The following CNTNAP2 variants were observed in gnomAD, a reference collection of about 807,000 sequenced individuals.
CNTNAP2 encodes the protein contactin-associated protein-like 2.
A neutral mutation model predicts 155.2 loss-of-function variants in CNTNAP2; 98 were observed. That is an observed-to-expected ratio of 0.63 (90% CI 0.54 to 0.75). The LOEUF (loss-of-function observed/expected upper bound fraction) is 0.75. Ranked by LOEUF, CNTNAP2 falls within the 30% of genes least tolerant of loss-of-function variation. The pLI is 0.00. For missense variants in CNTNAP2, 1,727 were observed against 1,688.1 expected (o/e 1.02, Z -0.40); for synonymous variants, 651 against 631.2 (o/e 1.03, Z -0.47).
chr7:147,157,691 A>G (rs899162417), intron 8 of CNTNAP2, among the ~76,000 whole-genome samples: 10 of 152,078 alleles, frequency 6.6e-5, no homozygotes, highest in Non-Finnish European at 1.2e-4. Flanking sequence ...CTCATTTGTC[A>G]TTGTTTTGCA....
chr7:148,352,921 T>C (rs1798453670), intron 21 of CNTNAP2, among the ~76,000 whole-genome samples: 1 of 152,196 alleles, frequency 6.6e-6, no homozygotes, highest in Non-Finnish European at 1.5e-5. Flanking sequence ...CAAAGTCCCC[T>C]GGCCTGTACC....
chr7:147,508,584 C>T (rs937250856), intron 11 of CNTNAP2, among the ~76,000 whole-genome samples: 26 of 152,108 alleles, frequency 1.7e-4, no homozygotes, highest in Non-Finnish European at 3.5e-4. Context: ...AGGTTAAATC[C>T]GGATATTCTT....
chr7:147,654,924 C>A (rs1416695844), intron 13 of CNTNAP2, among the ~76,000 whole-genome samples: 1 of 139,924 alleles, frequency 7.1e-6, no homozygotes, highest in Non-Finnish European at 1.5e-5. Flanking sequence ...TCAAGCAATT[C>A]TCCTGCCTCA....
chr7:147,302,497 G>C lies in CNTNAP2; in HGVS notation c.1498+2207G>C, dbSNP rs111951926. Among the ~76,000 whole-genome samples, 1,120 of 152,296 alleles carry C rather than the reference G, an allele frequency of 7.4e-3. 6 individuals are homozygous for C. Among genetic ancestry groups the C allele is most frequent in the Middle Eastern group, 0.02 (6 of 294 alleles). On this transcript the variant is annotated intron_variant, in intron 9 of 23. Transcript: ENST00000361727. ...GGTCTGCCTTTAGGATATACTGTCA[G>C]CTAATGATCACGATGCTTGTTTTGT...
At chr7:147,560,168 C>CAAAAAAAAAAAAAAAA (rs71183016) in intron 11 of CNTNAP2, among the ~76,000 whole-genome samples, 2,045 of 52,650 alleles carry the variant, frequency 0.039, 274 homozygotes, top group Non-Finnish European at 0.054. Context: ...AACTCCGTCT[C>CAAAAAAAAAAAAAAAA]AAAAAAAAAA....
At chr7:148,159,589 G>A (rs943465272) in intron 17 of CNTNAP2, among the ~76,000 whole-genome samples, 4 of 152,082 alleles carry the variant, frequency 2.6e-5, no homozygotes, top group African/African-American at 7.2e-5. Context: ...CTGCCACCAC[G>A]AATAACCCTC....
At position 148,210,958 on chromosome 7, in the gene CNTNAP2, G is replaced by A. The variant is rs114186216; in HGVS notation, c.3011-6330G>A. Among the ~76,000 whole-genome samples, 868 of 152,354 alleles carry A rather than the reference G, an allele frequency of 5.7e-3. 16 individuals are homozygous for A. The highest frequency in any genetic ancestry group is 0.02 in the African/African-American group (814 of 41,582). ...GTTTCAGCATTGCAGTATCTTGGGA[G>A]AATAACAAAACAAGTTTAAGCAGAG... On this transcript the variant is annotated intron_variant, in intron 18 of 23. Transcript: ENST00000361727.
At chr7:147,240,082 A>C (rs1320857888) in intron 8 of CNTNAP2, among the ~76,000 whole-genome samples, 2 of 152,116 alleles carry the variant, frequency 1.3e-5, no homozygotes, top group Non-Finnish European at 2.9e-5. Context: ...TTTATGCCTC[A>C]TTTTTTTAAT....
intron 2 of CNTNAP2, among the ~76,000 whole-genome samples, chr7:146,833,724 GATACACACAGGGAA>G (rs1803559439): frequency 6.6e-6 from 1 of 152,162 alleles, no homozygotes; most frequent in Non-Finnish European, 1.5e-5. Context: ...TTCTGTAGCT[GATACACACAGGGAA>G]CTTACATTAC....
chr7:148,283,844 TCAA>T (rs1237487584), intron 21 of CNTNAP2, among the ~76,000 whole-genome samples: 15 of 152,170 alleles, frequency 9.9e-5, no homozygotes, highest in Admixed American at 6.5e-4. Context: ...TGTTAATAAA[TCAA>T]CAACATTTAT....
At chr7:147,511,573 A>G (rs184065920) in intron 11 of CNTNAP2, among the ~76,000 whole-genome samples, 6 of 151,838 alleles carry the variant, frequency 4.0e-5, no homozygotes, top group Admixed American at 3.9e-4. Context: ...TTTTATGTGT[A>G]CATAATGTTT....
chr7:147,247,994 A>G (rs1265438582), intron 8 of CNTNAP2, among the ~76,000 whole-genome samples: 1 of 152,204 alleles, frequency 6.6e-6, no homozygotes, highest in African/African-American at 2.4e-5. Flanking sequence ...AAAAGAAAAT[A>G]CAGTTTCTCT....
rs552204735 is a variant in CNTNAP2, at chr7:146,126,499, A to G, written c.97+9526A>G. On this transcript the variant is annotated intron_variant, in intron 1 of 23. Coordinates refer to ENST00000361727, the MANE Select transcript of CNTNAP2 (RefSeq NM_014141.6). ...TGCAGTGTAGTTCTATCATTTGAGT[A>G]CTATTGAAATACATGTAATAGTCAT... is the stretch of plus-strand genomic sequence containing the variant. Among the ~76,000 whole-genome samples, 3 of 152,316 alleles carry G rather than the reference A, an allele frequency of 2.0e-5. No homozygotes were observed. In the South Asian group the frequency reaches 6.2e-4, roughly 32 times the overall value.
intron 1 of CNTNAP2, among the ~76,000 whole-genome samples, chr7:146,747,110 A>G (rs1292344421): frequency 6.6e-6 from 1 of 152,150 alleles, no homozygotes; most frequent in Non-Finnish European, 1.5e-5. Context: ...TGAATGTGTT[A>G]AACTTTTAAG....
At chr7:147,620,159 C>T (rs1049233350) in intron 12 of CNTNAP2, among the ~76,000 whole-genome samples, 2 of 152,198 alleles carry the variant, frequency 1.3e-5, no homozygotes, top group Non-Finnish European at 2.9e-5. Flanking sequence ...CAGCTTAGAT[C>T]ACAATACCCA....
intron 1 of CNTNAP2, among the ~76,000 whole-genome samples, chr7:146,146,271 T>A (rs1461134613): frequency 5.3e-5 from 8 of 152,208 alleles, no homozygotes; most frequent in Non-Finnish European, 1.0e-4. Context: ...GATATTTCAA[T>A]ATTATATTTC....
chr7:146,246,594 C>T (rs1448905799), intron 1 of CNTNAP2, among the ~76,000 whole-genome samples: 1 of 151,336 alleles, frequency 6.6e-6, no homozygotes, highest in Non-Finnish European at 1.5e-5. Context: ...ACCCGAAGCT[C>T]GGCGTCCCTG....
At chr7:148,348,999 T>G (rs867397871) in intron 21 of CNTNAP2, among the ~76,000 whole-genome samples, 2 of 12,954 alleles carry the variant, frequency 1.5e-4, no homozygotes, top group Non-Finnish European at 4.2e-4. Flanking sequence ...ATATTATTTT[T>G]AATCTTAATT....
intron 14 of CNTNAP2, among the ~76,000 whole-genome samples, chr7:147,947,788 GA>G (rs1800846144): frequency 6.6e-6 from 1 of 152,118 alleles, no homozygotes; most frequent in Non-Finnish European, 1.5e-5. Context: ...GCATGCCAAA[GA>G]GCCATATTTT....
Sources: gnomAD v4.1 joint callset for allele counts (sites outside exome capture counted in the v4.1 genomes callset) on GRCh38, gnomAD v4.1.1 for gene constraint, MANE v1.5 for transcripts, NCBI Gene and HGNC (gene_info 2026-07-23, HGNC 2026-07-21) for gene names.